Variants in PCDHGA10 observed in about 807,000 individuals in gnomAD.
PCDHGA10 encodes protocadherin gamma-A10.
A neutral mutation model predicts 59.5 loss-of-function variants in PCDHGA10; 42 were observed. The observed-to-expected ratio is 0.71, with a 90% CI of 0.55 to 0.91. The LOEUF is 0.91. PCDHGA10 is among the 40% of genes least tolerant of loss of function. The pLI, the probability that PCDHGA10 is intolerant of heterozygous loss-of-function variation, is 0.00. For synonymous variants in PCDHGA10, 511 were observed against 517.2 expected, an observed-to-expected ratio of 0.99 and a Z score of 0.16; for missense variants, 1,111 against 1,198.2, an observed-to-expected ratio of 0.93 and a Z score of 1.07.
At chr5:141,473,988 G>T (rs1006988447) in intron 1 of PCDHGA10, among the ~76,000 whole-genome samples, 2 of 152,118 alleles carry the variant, frequency 1.3e-5, no homozygotes, top group Middle Eastern at 3.2e-3. Context: ...AGGATCCCTT[G>T]AGCCCAAGGA....
intron 1 of PCDHGA10, chr5:141,430,688 A>G: frequency 1.4e-6 from 2 of 1,402,360 alleles, no homozygotes; most frequent in Non-Finnish European, 1.9e-6. Context: ...GTCCCATTCT[A>G]TGGGCGAAGG....
At chr5:141,429,361 A>G (rs2097205912) in intron 1 of PCDHGA10, among the ~76,000 whole-genome samples, 1 of 150,698 alleles carries the variant, frequency 6.6e-6, no homozygotes, top group East Asian at 1.9e-4. Context: ...AATGCATGAG[A>G]AAATGGAGAA....
At chr5:141,471,708 T>G (rs1359785951) in intron 1 of PCDHGA10, among the ~76,000 whole-genome samples, 1 of 152,138 alleles carries the variant, frequency 6.6e-6, no homozygotes, top group Non-Finnish European at 1.5e-5. Context: ...GGAATAGAAG[T>G]GCCACTTACC....
intron 1 of PCDHGA10, among the ~76,000 whole-genome samples, chr5:141,462,941 G>A (rs1667222225): frequency 6.6e-6 from 1 of 152,158 alleles, no homozygotes; most frequent in Non-Finnish European, 1.5e-5. Flanking sequence ...TTCAAGGCTT[G>A]TTTTTAAGCT....
rs372168887 is a variant in PCDHGA10, at chr5:141,477,322, C to T, written c.2437-17485C>T. On this transcript the variant is annotated intron_variant, in intron 1 of 3. Transcript: ENST00000398610. The surrounding 1 kb of genome is among the most constrained non-coding windows in gnomAD (Gnocchi z 4.9). The stretch of plus-strand genomic sequence containing the variant: ...GTCTCCCTTTCAGCCTTACTTCTTC[C>T]CTCAAGAATTACTTCACTTTGAAAA... 17 of 1,614,050 alleles carry T rather than the reference C, an allele frequency of 1.1e-5. No homozygotes were observed. In the African/African-American group the frequency reaches 1.5e-4, roughly 14 times the overall value.
chr5:141,470,037 G>A lies in PCDHGA10; in HGVS notation c.2437-24770G>A, dbSNP rs76537989. Among the ~76,000 whole-genome samples the A allele has an allele frequency of 2.3e-3, 347 of 152,258 alleles. 6 individuals are homozygous for A. The East Asian group carries it at 0.048, about 21-fold the overall frequency. On this transcript the variant is annotated intron_variant, in intron 1 of 3. Transcript: ENST00000398610. ...CCAGCTACTCGGGATGCTGAGGCGC[G>A]AGAACTGTTTGAACCCCGGAGGCAG...
At chr5:141,428,290 C>A in intron 1 of PCDHGA10, 1 of 726,802 alleles carries the variant, frequency 1.4e-6, no homozygotes, top group Non-Finnish European at 2.4e-6. Context: ...CCAAGCAAAG[C>A]TGCAGATTTA....
chr5:141,497,412 A>G (rs963440048), intron 2 of PCDHGA10, among the ~76,000 whole-genome samples: 13 of 151,982 alleles, frequency 8.6e-5, no homozygotes, highest in African/African-American at 3.1e-4. Flanking sequence ...CTCCCATTCC[A>G]TCAAATGAGA....
Position 141,487,925 on chromosome 5 carries a change from C to T in PCDHGA10, c.2437-6882C>T. 4.8e-6 allele frequency: 3 copies of T among 629,734 alleles called. No homozygotes were observed. The highest frequency in any genetic ancestry group is 8.3e-6 in the Non-Finnish European group (3 of 362,440). 39.0% of individuals were successfully genotyped at this position (629,734 alleles called of 1,614,324 possible). On this transcript the variant is annotated intron_variant, in intron 1 of 3. Coordinates refer to ENST00000398610, the MANE Select transcript of PCDHGA10 (RefSeq NM_018913.3). The surrounding 1 kb of genome is among the most constrained non-coding windows in gnomAD (Gnocchi z 5.0). ...TGTGGGAGCACAGGAGGCTACAGTGCACAGGGTACAGTGCACCAGGCAGTC... is the reference window on the plus strand; with the variant it reads ...TGTGGGAGCACAGGAGGCTACAGTGTACAGGGTACAGTGCACCAGGCAGTC...
intron 1 of PCDHGA10, chr5:141,475,956 G>T (rs2099382674): frequency 2.5e-6 from 2 of 805,186 alleles, no homozygotes; most frequent in South Asian, 1.9e-5. Flanking sequence ...TCTGCGCCCC[G>T]GGATGAGGCA....
At chr5:141,483,790 AGTT>A (rs963139644) in intron 1 of PCDHGA10, among the ~76,000 whole-genome samples, 14 of 152,290 alleles carry the variant, frequency 9.2e-5, no homozygotes, top group African/African-American at 3.4e-4. Flanking sequence ...TAAGAACTCC[AGTT>A]GTTGCTGCTT....
intron 1 of PCDHGA10, chr5:141,423,722 G>T: frequency 1.0e-6 from 1 of 954,174 alleles, no homozygotes; most frequent in Non-Finnish European, 1.3e-6. Flanking sequence ...TTAAGGAGAT[G>T]TTTTTTGAGC....
rs116187844 is a variant in PCDHGA10, at chr5:141,424,198, C to T, written c.2436+8587C>T. The T allele has an allele frequency of 8.5e-3, 1,543 of 182,010 alleles. 28 individuals are homozygous for T. Among genetic ancestry groups the T allele is most frequent in the African/African-American group, 0.035 (1,445 of 41,852 alleles). The allele number at this position is 182,010 out of a possible 1,614,324, so 11.3% of individuals were successfully genotyped here. ...ATACACATGCACACACACTTATACA[C>T]GTAAGCTTTTCTCTGAGCAATTTTA... On this transcript the variant is annotated intron_variant, in intron 1 of 3. Coordinates refer to ENST00000398610, the MANE Select transcript of PCDHGA10 (RefSeq NM_018913.3).
intron 1 of PCDHGA10, among the ~76,000 whole-genome samples, chr5:141,468,079 C>A (rs2099157359): frequency 6.6e-6 from 1 of 151,986 alleles, no homozygotes; most frequent in African/African-American, 2.4e-5. Context: ...AATCCCAGCA[C>A]TTTGGGAGGT....
At chr5:141,459,714 T>C (rs1240430980) in intron 1 of PCDHGA10, among the ~76,000 whole-genome samples, 4 of 152,244 alleles carry the variant, frequency 2.6e-5, no homozygotes, top group Admixed American at 6.5e-5. Flanking sequence ...TTCTCACCAA[T>C]GCTTCCTATT....
intron 1 of PCDHGA10, among the ~76,000 whole-genome samples, chr5:141,465,116 C>A (rs2099097321): frequency 6.6e-6 from 1 of 150,972 alleles, no homozygotes; most frequent in Non-Finnish European, 1.5e-5. Context: ...AGTGTTTTAG[C>A]CTAAATTTGT....
In PCDHGA10 at chr5:141,511,028, T is replaced by G. The variant is rs1279056657; in HGVS notation, c.2666T>G (p.Leu889Arg). The G allele has an allele frequency of 3.7e-6, 6 of 1,614,084 alleles. No individual in the cohort carries two copies. The highest frequency in any genetic ancestry group is 1.7e-5 in the Admixed American group (1 of 60,004). ...LSARYGPQFT[L>R]QHVPDYRQNV... is the part of the protein sequence containing the mutation. The stretch of plus-strand genomic sequence containing the variant: ...GCCCGCTACGGACCCCAGTTCACCC[T>G]GCAGCACGTGCCCGACTACCGCCAG... Residue 889 changes from leucine to arginine, a missense_variant, in exon 4 of 4, where the codon CTG becomes CGG. Physicochemically the swap from Leu to Arg is moderately radical, Grantham distance 102. Transcript: ENST00000398610.
At chr5:141,419,543 G>T (rs573594140) in intron 1 of PCDHGA10, 1 of 1,612,106 alleles carries the variant, frequency 6.2e-7, no homozygotes, top group East Asian at 2.2e-5. Flanking sequence ...CGCACCGCGG[G>T]TGCTGTACCC....
At position 141,476,402 on chromosome 5, in the gene PCDHGA10, G is replaced by A. The variant is rs775511298; in HGVS notation, c.2437-18405G>A. The stretch of plus-strand genomic sequence containing the variant: ...TGTGAACGACCGTCTGGATCGAGAG[G>A]AGCTGTGTGGGACACTGCCCTCTTG... On this transcript the variant is annotated intron_variant, in intron 1 of 3. Coordinates refer to ENST00000398610, the MANE Select transcript of PCDHGA10 (RefSeq NM_018913.3). This position sits in a 1 kb window ranked among gnomAD's most constrained non-coding sequence, Gnocchi z 7.6. 9 of 1,613,992 alleles carry A rather than the reference G, an allele frequency of 5.6e-6. No individual in the cohort carries two copies. Among genetic ancestry groups the A allele is most frequent in the African/African-American group, 1.3e-5 (1 of 74,904 alleles).
Sources: allele counts gnomAD v4.1 joint callset (sites outside exome capture counted in the v4.1 genomes callset), GRCh38; gene constraint gnomAD v4.1.1; non-coding constraint Gnocchi (gnomAD v3.1); transcripts MANE v1.5; gene names NCBI Gene and HGNC (gene_info 2026-07-23, HGNC 2026-07-21).